Variants in CSMD1 observed in about 807,000 individuals in gnomAD.
The protein encoded by CSMD1 is CUB and Sushi multiple domains 1.
In CSMD1, 213 loss-of-function variants were observed where a neutral mutation model predicts 417.5. The observed-to-expected ratio is 0.51, with a 90% CI of 0.46 to 0.57. CSMD1 has a LOEUF of 0.57. Among genes scored for constraint, CSMD1 ranks in the 20% least tolerant of loss-of-function variants. CSMD1 has a pLI of 0.00. For missense variants in CSMD1, 6,923 were observed against 4,529.7 expected (o/e 1.53, Z -15.17); for synonymous variants, 2,862 against 1,736.8 (o/e 1.65, Z -16.11).
intron 1 of CSMD1, among the ~76,000 whole-genome samples, chr8:4,963,032 C>T (rs1809610185): frequency 1.3e-5 from 2 of 152,018 alleles, no homozygotes; most frequent in South Asian, 2.1e-4. Flanking sequence ...TTATAGCCTC[C>T]CACCTTACTC....
chr8:3,963,849 G>A (rs962983351), intron 5 of CSMD1, among the ~76,000 whole-genome samples: 1 of 152,060 alleles, frequency 6.6e-6, no homozygotes, highest in Non-Finnish European at 1.5e-5. Context: ...TCTTAAAACC[G>A]CAGTTTAAGA....
At chr8:3,685,058 T>C (rs576393190) in intron 7 of CSMD1, among the ~76,000 whole-genome samples, 5 of 152,210 alleles carry the variant, frequency 3.3e-5, no homozygotes, top group Admixed American at 2.0e-4. Context: ...GTTTTTGAAA[T>C]AAAAATAAGA....
At chr8:4,979,200 G>A (rs1563921817) in intron 1 of CSMD1, among the ~76,000 whole-genome samples, 1 of 152,148 alleles carries the variant, frequency 6.6e-6, no homozygotes, top group Non-Finnish European at 1.5e-5. Flanking sequence ...ACATCTCATA[G>A]AACTGAGAGT....
At chr8:3,401,693 T>C (rs1812048177) in intron 15 of CSMD1, among the ~76,000 whole-genome samples, 1 of 152,110 alleles carries the variant, frequency 6.6e-6, no homozygotes, top group African/African-American at 2.4e-5. Flanking sequence ...TCAGTTGCTA[T>C]GGCAGGTGGA....
chr8:4,673,459 T>A (rs1388426277), intron 1 of CSMD1, among the ~76,000 whole-genome samples: 1 of 152,150 alleles, frequency 6.6e-6, no homozygotes, highest in Non-Finnish European at 1.5e-5. Context: ...TTGATATCAT[T>A]GGCCACATTA....
chr8:3,896,440 T>C (rs975337124), intron 5 of CSMD1, among the ~76,000 whole-genome samples: 4 of 152,126 alleles, frequency 2.6e-5, no homozygotes, highest in Admixed American at 2.6e-4. Flanking sequence ...CTCCAAAACG[T>C]TGAACACTTG....
At chr8:4,043,830 A>C (rs1016820078) in intron 3 of CSMD1, among the ~76,000 whole-genome samples, 1 of 152,216 alleles carries the variant, frequency 6.6e-6, no homozygotes, top group Admixed American at 6.5e-5. Flanking sequence ...AGGCATCATT[A>C]TTCCAATTTC....
intron 3 of CSMD1, among the ~76,000 whole-genome samples, chr8:4,332,411 C>G (rs530007965): frequency 7.2e-5 from 11 of 152,022 alleles, no homozygotes; most frequent in African/African-American, 2.7e-4. Context: ...AGTATAAATT[C>G]TTTCTAGGCA....
rs185884803 is a variant in CSMD1, at chr8:3,561,857, C to A, written c.1344+13088G>T. Among the ~76,000 whole-genome samples the A allele has an allele frequency of 2.5e-3, 387 of 152,280 alleles. 6 individuals are homozygous for A. Among genetic ancestry groups the A allele is most frequent in the Admixed American group, 0.017 (257 of 15,284 alleles). Reference sequence around the variant, plus strand: ...TGAGGAAGGAGAAATGTATGGCCCTCCAGGAAGGCAGGGGCTAGCATTCAC... The same window carrying A: ...TGAGGAAGGAGAAATGTATGGCCCTACAGGAAGGCAGGGGCTAGCATTCAC... On this transcript the variant is annotated intron_variant, in intron 10 of 69. Coordinates refer to ENST00000635120, the MANE Select transcript of CSMD1 (RefSeq NM_033225.6).
At chr8:4,551,933 C>T (rs1217971645) in intron 2 of CSMD1, among the ~76,000 whole-genome samples, 1 of 151,694 alleles carries the variant, frequency 6.6e-6, no homozygotes, top group Non-Finnish European at 1.5e-5. Context: ...GCAATCTGCC[C>T]ACCTTGACCT....
At chr8:4,940,445 T>A (rs988972716) in intron 1 of CSMD1, among the ~76,000 whole-genome samples, 27 of 152,216 alleles carry the variant, frequency 1.8e-4, no homozygotes, top group African/African-American at 5.5e-4. Context: ...TCTCTTTAAT[T>A]ATAAATATAC....
intron 3 of CSMD1, among the ~76,000 whole-genome samples, chr8:4,142,006 T>C (rs13279843): frequency 6.6e-6 from 1 of 150,638 alleles, no homozygotes; most frequent in East Asian, 1.9e-4. Context: ...ATATATTCAA[T>C]GATGTTCCAA....
At chr8:3,608,815 A>T (rs1245444233) in intron 8 of CSMD1, among the ~76,000 whole-genome samples, 1 of 151,938 alleles carries the variant, frequency 6.6e-6, no homozygotes, top group Non-Finnish European at 1.5e-5. Flanking sequence ...GGCCAATGCT[A>T]GTCTATGTGG....
intron 46 of CSMD1, among the ~76,000 whole-genome samples, chr8:3,100,736 A>G (rs952700517): frequency 5.9e-5 from 9 of 152,252 alleles, no homozygotes. Context: ...TATTCAACGC[A>G]TCTCATAGGC....
At chr8:4,204,892 C>G (rs1335593331) in intron 3 of CSMD1, among the ~76,000 whole-genome samples, 1 of 152,084 alleles carries the variant, frequency 6.6e-6, no homozygotes, top group Non-Finnish European at 1.5e-5. Flanking sequence ...AACTCCTGTC[C>G]TCAAAGATCC....
At chr8:4,580,779 C>T (rs1799377265) in intron 2 of CSMD1, among the ~76,000 whole-genome samples, 1 of 152,188 alleles carries the variant, frequency 6.6e-6, no homozygotes, top group Non-Finnish European at 1.5e-5. Context: ...ATTTTATTTC[C>T]TTATGATAGT....
chr8:4,378,961 C>CA (rs1298371875), intron 3 of CSMD1, among the ~76,000 whole-genome samples: 4 of 152,118 alleles, frequency 2.6e-5, no homozygotes, highest in Non-Finnish European at 4.4e-5. Flanking sequence ...ATAAGCCTTC[C>CA]AGTTTATGAT....
At chr8:3,329,488 C>A (rs543718066) in intron 23 of CSMD1, among the ~76,000 whole-genome samples, 1 of 152,292 alleles carries the variant, frequency 6.6e-6, no homozygotes, top group Admixed American at 6.5e-5. Context: ...CAGCCACACA[C>A]AGACTACTGT....
At position 4,341,373 on chromosome 8, in the gene CSMD1, G is replaced by T. The variant is rs567981097; in HGVS notation, c.415+78580C>A. The stretch of plus-strand genomic sequence containing the variant: ...CTGAGATTCATATTCACTATCGCAG[G>T]AAATAATTTAGTACTGAAGAAAGCC... On this transcript the variant is annotated intron_variant, in intron 3 of 69. Coordinates refer to ENST00000635120, the MANE Select transcript of CSMD1 (RefSeq NM_033225.6). Among the ~76,000 whole-genome samples, 188 of 152,168 alleles carry T rather than the reference G, an allele frequency of 1.2e-3. 2 individuals carry two copies. The highest frequency in any genetic ancestry group is 4.4e-3 in the African/African-American group (183 of 41,552).
Sources: allele counts gnomAD v4.1 joint callset (sites outside exome capture counted in the v4.1 genomes callset), GRCh38; gene constraint gnomAD v4.1.1; transcripts MANE v1.5; gene names NCBI Gene and HGNC (gene_info 2026-07-23, HGNC 2026-07-21).